Variants in CSAD observed in about 807,000 individuals in gnomAD.
CSAD encodes P-selectin cytoplasmic tail-associated protein.
In CSAD, 47 loss-of-function variants were observed where a neutral mutation model predicts 61.5. That is an observed-to-expected ratio of 0.76 (90% CI 0.60 to 0.97). The LOEUF is 0.97. Ranked by LOEUF, CSAD falls within the 50% of genes least tolerant of loss-of-function variation. CSAD has a pLI of 0.00. For missense variants in CSAD, 611 were observed against 643.6 expected (o/e 0.95, Z 0.55); for synonymous variants, 245 against 252.7 (o/e 0.97, Z 0.29).
At chr12:53,178,638 C>T (rs1941288116) in intron 2 of CSAD, among the ~76,000 whole-genome samples, 1 of 151,862 alleles carries the variant, frequency 6.6e-6, no homozygotes, top group African/African-American at 2.4e-5. Context: ...CTAAAAAATA[C>T]AAAAAAATTA....
chr12:53,175,416 G>C (rs1180094094), intron 2 of CSAD, among the ~76,000 whole-genome samples: 1 of 152,116 alleles, frequency 6.6e-6, no homozygotes, highest in Non-Finnish European at 1.5e-5. Context: ...CTCTCAGCCA[G>C]GTTTATGGTT....
chr12:53,180,144 G>A, intron 1 of CSAD: 1 of 1,258,848 alleles, frequency 7.9e-7, no homozygotes, highest in Non-Finnish European at 1.0e-6. Flanking sequence ...ACGCCTCTGC[G>A]AGAATTCAGA....
chr12:53,167,613 A>G (rs898460946), intron 10 of CSAD, among the ~76,000 whole-genome samples: 1 of 152,264 alleles, frequency 6.6e-6, no homozygotes, highest in Admixed American at 6.5e-5. Flanking sequence ...CAAATGGCCA[A>G]TAAGTACATG....
chr12:53,171,042 C>T, intron 8 of CSAD: 2 of 590,950 alleles, frequency 3.4e-6, no homozygotes, highest in Admixed American at 4.8e-5. Flanking sequence ...TTCTAACAAG[C>T]CCCAGGTCAT....
intron 10 of CSAD, chr12:53,164,325 C>CAACCTAGG (rs1939636040): frequency 5.5e-6 from 1 of 180,924 alleles, no homozygotes; most frequent in African/African-American, 2.4e-5. Flanking sequence ...GACATGGAAT[C>CAACCTAGG]AACCTAGGTA....
chr12:53,159,627 G>C lies in CSAD; in HGVS notation c.1304C>G (p.Ser435Ter), dbSNP rs1321729861. 8 of 1,609,962 alleles carry C rather than the reference G, an allele frequency of 5.0e-6. No individual in the cohort carries two copies. The Admixed American group carries it at 5.1e-5, about 10-fold the overall frequency. The change falls in exon 16 of 17, where the codon TCA (serine) becomes TGA (stop). Residue 435 changes from serine to a stop codon, truncating the protein, a stop_gained. Coordinates refer to ENST00000444623, the MANE Select transcript of CSAD (RefSeq NM_001244705.2). LOFTEE classifies it high-confidence loss of function. ...AGAGCAGCACAGCACGCCTACCTTT[G>C]ACAGCCTTTCGTGGTAATCTGGACT... is the stretch of plus-strand genomic sequence containing the variant. ...QESPDYHERLSKVAPVLKERM... is the reference protein window; with the variant it reads ...QESPDYHERL
Position 53,173,327 on chromosome 12 carries a change from G to A in CSAD, c.126+18C>T, listed in dbSNP as rs1592351980. 6.2e-7 allele frequency: 1 copy of A among 1,603,974 alleles called. No homozygotes were observed. ...AGAAAGAAAGCTTGATGGGAAGGAG[G>A]AGGAAGAAAGGACTCACCTTCTGGG... On this transcript the variant is annotated intron_variant, in intron 4 of 16. Coordinates refer to ENST00000444623, the MANE Select transcript of CSAD (RefSeq NM_001244705.2).
chr12:53,170,980 C>CA, intron 8 of CSAD: 1 of 447,140 alleles, frequency 2.2e-6, no homozygotes, highest in Non-Finnish European at 4.2e-6. Context: ...CTCAGCCTCT[C>CA]AAAGTGCTGG....
In CSAD at chr12:53,159,672, C is replaced by T; in HGVS notation, c.1259G>A (p.Ser420Asn). Residue 420 changes from serine to asparagine, a missense_variant, in exon 16 of 17, where the codon AGC becomes AAC. Coordinates refer to ENST00000444623, the MANE Select transcript of CSAD (RefSeq NM_001244705.2). ...TGGACTCTCCTGCTTCCCTCGCAGG[C>T]TGGGGGGTACGAACCAGAAACACAC... ...VNVCFWFVPP[S>N]LRGKQESPDY... 1 of 1,611,650 alleles carries T rather than the reference C, an allele frequency of 6.2e-7. No individual in the cohort carries two copies. The highest frequency in any genetic ancestry group is 8.5e-7 in the Non-Finnish European group (1 of 1,178,946).
chr12:53,177,614 G>A lies in CSAD; in HGVS notation c.-50+1488C>T, dbSNP rs538010127. ...AACCAGCCTAAGGCAACAAAGCGTGGAGACCCATCTATTTATTTATTTATT... is the reference window on the plus strand; with the variant it reads ...AACCAGCCTAAGGCAACAAAGCGTGAAGACCCATCTATTTATTTATTTATT... On this transcript the variant is annotated intron_variant, in intron 2 of 16. Coordinates refer to ENST00000444623, the MANE Select transcript of CSAD (RefSeq NM_001244705.2). Among the ~76,000 whole-genome samples, 25 of 152,068 alleles carry A rather than the reference G, an allele frequency of 1.6e-4. 1 individual carries two copies. In the South Asian group the frequency reaches 3.5e-3, roughly 21 times the overall value.
Position 53,171,919 on chromosome 12 carries a change from C to T in CSAD, c.414G>A (p.Leu138=). The part of the protein sequence containing the change: ...EEEVLRKLRA[L]VGWSSGDGIF... ...TTCCGTCCCCAGAGCTCCAGCCCAC[C>T]AGGGCCCGCAGTTTCCTCAGCACCT... Residue 138 remains leucine (L), a synonymous_variant, in exon 7 of 17, where the codon CTG becomes CTA. Transcript: ENST00000444623. The T allele has an allele frequency of 6.2e-7, 1 of 1,614,092 alleles. No homozygotes were observed. The highest frequency in any genetic ancestry group is 8.5e-7 in the Non-Finnish European group (1 of 1,179,988).
At position 53,158,569 on chromosome 12, in the gene CSAD, G is replaced by C. The variant is rs747460582; in HGVS notation, c.1424C>G (p.Thr475Ser). The change falls in exon 17 of 17, where the codon ACC (threonine) becomes AGC (serine). Residue 475 changes from threonine (T) to serine (S), a missense_variant. Coordinates refer to ENST00000444623, the MANE Select transcript of CSAD (RefSeq NM_001244705.2). The stretch of plus-strand genomic sequence containing the variant: ...GAGGAGGAAGTCCATATCAGCACAG[G>C]TCAGTGCAGAGTTGGCCACAACCAC... ...FRVVVANSAL[T>S]CADMDFLLNE... 3.7e-6 allele frequency: 6 copies of C among 1,613,216 alleles called. No individual in the cohort carries two copies. Among genetic ancestry groups the C allele is most frequent in the Non-Finnish European group, 3.4e-6 (4 of 1,180,022 alleles).
chr12:53,181,123 T>G, upstream of CSAD: 1 of 963,706 alleles, frequency 1.0e-6, no homozygotes, highest in Non-Finnish European at 1.2e-6. Context: ...CTGCTCCCGG[T>G]TGGTGCAGCG....
Position 53,158,697 on chromosome 12 carries a change from G to A in CSAD, c.1309-13C>T, listed in dbSNP as rs370051476. On this transcript the variant is annotated splice_polypyrimidine_tract_variant and intron_variant, in intron 16 of 16. Coordinates refer to ENST00000444623, the MANE Select transcript of CSAD (RefSeq NM_001244705.2). ...GCACGGGGGCCACCTGTGGAAGGGT[G>A]GAGAGAGATTCCAGCTGCAGCCTGG... 29 of 1,611,108 alleles carry A rather than the reference G, an allele frequency of 1.8e-5. No homozygotes were observed. In the African/African-American group the frequency reaches 3.3e-4, roughly 19 times the overall value.
At chr12:53,165,445 G>A (rs2121454480) in intron 10 of CSAD, among the ~76,000 whole-genome samples, 1 of 152,030 alleles carries the variant, frequency 6.6e-6, no homozygotes, top group East Asian at 1.9e-4. Context: ...TGGATCACAA[G>A]GTTGGGAGAT....
intron 10 of CSAD, among the ~76,000 whole-genome samples, chr12:53,166,688 C>G (rs1220241586): frequency 5.3e-5 from 8 of 152,162 alleles, no homozygotes; most frequent in African/African-American, 1.4e-4. Context: ...CCCAGCTACT[C>G]AGGAGGCTGA....
intron 10 of CSAD, among the ~76,000 whole-genome samples, chr12:53,169,633 C>G (rs1390094595): frequency 6.6e-6 from 1 of 151,930 alleles, no homozygotes; most frequent in Non-Finnish European, 1.5e-5. Context: ...TAGATGGTGC[C>G]AAAATGCCCT....
intron 1 of CSAD, chr12:53,180,509 C>A (rs1941502367): frequency 2.4e-6 from 3 of 1,262,690 alleles, no homozygotes; most frequent in South Asian, 2.6e-5. Flanking sequence ...CCACGGCGCA[C>A]GCGCCGGCCT....
At position 53,159,909 on chromosome 12, in the gene CSAD, T is replaced by C; in HGVS notation, c.1196A>G (p.Glu399Gly). ...TACCTCCATGACTAGCTCAAACCCT[T>C]CCCGCTTCTTCATTTCCTCCACCAG... ...RYLVEEMKKR[E>G]GFELVMEPEF... The change falls in exon 15 of 17, where the codon GAA becomes GGA. Residue 399 changes from glutamate to glycine, a missense_variant. Coordinates refer to ENST00000444623, the MANE Select transcript of CSAD (RefSeq NM_001244705.2). 2 of 1,603,676 alleles carry C rather than the reference T, an allele frequency of 1.2e-6. No homozygotes were observed. Among genetic ancestry groups the C allele is most frequent in the Non-Finnish European group, 8.5e-7 (1 of 1,174,252 alleles).
Sources: gnomAD v4.1 joint callset for allele counts (sites outside exome capture counted in the v4.1 genomes callset) on GRCh38, gnomAD v4.1.1 for gene constraint, MANE v1.5 for transcripts, NCBI Gene and HGNC (gene_info 2026-07-23, HGNC 2026-07-21) for gene names.